TNS3: variants seen among roughly 807,000 people sequenced by gnomAD.
TNS3 encodes the protein tensin 3.
TNS3 carries 45 observed loss-of-function variants against 140.9 expected under a neutral mutation model. That is an observed-to-expected ratio of 0.32 (90% CI 0.25 to 0.41). TNS3 has a LOEUF of 0.41. Ranked by LOEUF, TNS3 falls within the 10% of genes least tolerant of loss-of-function variation. The pLI, the probability that TNS3 is intolerant of heterozygous loss-of-function variation, is 1.00. For missense variants in TNS3, 1,716 were observed against 1,906.7 expected (o/e 0.90, Z 1.86); for synonymous variants, 815 against 788.4 (o/e 1.03, Z -0.56).
At chr7:47,461,606 C>G (rs900267604) in intron 4 of TNS3, among the ~76,000 whole-genome samples, 2 of 152,240 alleles carry the variant, frequency 1.3e-5, no homozygotes, top group Non-Finnish European at 2.9e-5. Flanking sequence ...TGCCTGAAGC[C>G]AGCAGGCTGG....
intron 17 of TNS3, among the ~76,000 whole-genome samples, chr7:47,359,818 G>A (rs150135068): frequency 2.6e-4 from 39 of 152,282 alleles, no homozygotes; most frequent in African/African-American, 8.9e-4. Flanking sequence ...TTATAGAAAC[G>A]ATACTTCATT....
intron 16 of TNS3, among the ~76,000 whole-genome samples, chr7:47,390,474 G>A (rs1359353191): frequency 6.6e-6 from 1 of 152,174 alleles, no homozygotes; most frequent in East Asian, 1.9e-4. Flanking sequence ...TGCGAAGGCT[G>A]CAGACAAATG....
chr7:47,567,654 A>C (rs906706755), intron 1 of TNS3, among the ~76,000 whole-genome samples: 1 of 147,796 alleles, frequency 6.8e-6, no homozygotes, highest in African/African-American at 2.6e-5. Flanking sequence ...ACTGCACTCC[A>C]GCCTGGGCAA....
intron 2 of TNS3, among the ~76,000 whole-genome samples, chr7:47,524,808 CAAGA>C (rs557035075): frequency 0.058 from 1,455 of 24,972 alleles, 74 homozygotes; most frequent in African/African-American, 0.12. Flanking sequence ...GACTCCGTCT[CAAGA>C]AAAAAAAAAA....
intron 1 of TNS3, among the ~76,000 whole-genome samples, chr7:47,556,217 G>T (rs1453641179): frequency 6.6e-6 from 1 of 152,222 alleles, no homozygotes; most frequent in East Asian, 1.9e-4. Flanking sequence ...CAATTGAGCA[G>T]TAAGAGGTTC....
intron 17 of TNS3, among the ~76,000 whole-genome samples, chr7:47,359,485 C>T (rs1244844321): frequency 6.6e-6 from 1 of 152,100 alleles, no homozygotes; most frequent in African/African-American, 2.4e-5. Context: ...GGTTGCACAG[C>T]AATGCAAATG....
At chr7:47,543,274 T>C (rs1306889163) in intron 1 of TNS3, among the ~76,000 whole-genome samples, 4 of 152,180 alleles carry the variant, frequency 2.6e-5, no homozygotes, top group African/African-American at 7.2e-5. Flanking sequence ...ATTCAGGAAG[T>C]GTTCAGGCAC....
chr7:47,362,755 C>G (rs1001355638), intron 17 of TNS3, among the ~76,000 whole-genome samples: 8 of 142,880 alleles, frequency 5.6e-5, no homozygotes, highest in Non-Finnish European at 1.2e-4. Flanking sequence ...TCATCACAGT[C>G]ATCACCGTCA....
chr7:47,580,038 A>G (rs1006174529), intron 1 of TNS3: 1 of 141,538 alleles, frequency 7.1e-6, no homozygotes, highest in South Asian at 2.8e-4. Context: ...ATTCAGGAAT[A>G]AGTAGTGCCC....
rs375811216 is a variant in TNS3 at position 47,450,335 on chromosome 7, T to C, written c.-75-8280A>G. Among the ~76,000 whole-genome samples, 67 of 152,278 alleles carry C rather than the reference T, an allele frequency of 4.4e-4. 1 individual carries two copies. Among genetic ancestry groups the C allele is most frequent in the African/African-American group, 1.5e-3 (63 of 41,562 alleles). ...ATAACATGGAATAACTGGGGCCTAT[T>C]TAGGAAGACAGTGCCCACAGAATAG... is the stretch of plus-strand genomic sequence containing the variant. On this transcript the variant is annotated intron_variant, in intron 4 of 30. Transcript: ENST00000311160.
intron 1 of TNS3, among the ~76,000 whole-genome samples, chr7:47,568,251 T>G (rs760698747): frequency 1.3e-5 from 2 of 152,122 alleles, no homozygotes; most frequent in Non-Finnish European, 2.9e-5. Flanking sequence ...AGCAGGCACA[T>G]AGTCCTGAGC....
chr7:47,439,462 G>T (rs547808092), intron 6 of TNS3, 25 bp downstream of exon 6: 2 of 1,611,448 alleles, frequency 1.2e-6, no homozygotes. Flanking sequence ...CTGCCCAAAG[G>T]CTCCCAGAGC....
rs1397128110 is a variant in TNS3 at position 47,277,118 on chromosome 7, G to A, written c.*958C>T. 1 of 151,992 alleles carries A rather than the reference G, an allele frequency of 6.6e-6. No individual in the cohort carries two copies. The highest frequency in any genetic ancestry group is 1.9e-4 in the East Asian group (1 of 5,164). 9.4% of individuals were successfully genotyped at this position (151,992 alleles called of 1,614,324 possible). On this transcript the variant is annotated 3_prime_UTR_variant, in exon 31 of 31. Coordinates refer to ENST00000311160, the MANE Select transcript of TNS3 (RefSeq NM_022748.12). Reference sequence around the variant, plus strand: ...GCCACCTTTGGGCGGCACCGCATATGGGAGACCCACAGTCCACTGCACACT... The same window carrying A: ...GCCACCTTTGGGCGGCACCGCATATAGGAGACCCACAGTCCACTGCACACT...
In TNS3 at chr7:47,389,077, A is replaced by G. The variant is rs74194339; in HGVS notation, c.1024+7723T>C. Among the ~76,000 whole-genome samples, 78 of 61,226 alleles carry G rather than the reference A, an allele frequency of 1.3e-3. 16 individuals carry two copies. Among genetic ancestry groups the G allele is most frequent in the African/African-American group, 5.2e-3 (64 of 12,374 alleles). The allele number at this position is 61,226 out of a possible 152,430, so 40.2% of individuals were successfully genotyped here. ...AAGAAGAAGAAGAAGAAGAAGAAGA[A>G]GAAGAAGAGGAAGAGGAAGAGGAAG... is the stretch of plus-strand genomic sequence containing the variant. On this transcript the variant is annotated intron_variant, in intron 16 of 30. Coordinates refer to ENST00000311160, the MANE Select transcript of TNS3 (RefSeq NM_022748.12).
intron 16 of TNS3, among the ~76,000 whole-genome samples, chr7:47,376,840 G>T (rs1453689370): frequency 6.6e-6 from 1 of 151,842 alleles, no homozygotes; most frequent in Non-Finnish European, 1.5e-5. Context: ...TTCATTATCA[G>T]GAACAGACCC....
chr7:47,534,666 T>C (rs1799537973), intron 1 of TNS3, among the ~76,000 whole-genome samples: 1 of 152,234 alleles, frequency 6.6e-6, no homozygotes, highest in Non-Finnish European at 1.5e-5. Context: ...TGTAAGTATC[T>C]ATATACATTT....
At chr7:47,352,278 T>C (rs1789726905) in intron 17 of TNS3, among the ~76,000 whole-genome samples, 1 of 152,202 alleles carries the variant, frequency 6.6e-6, no homozygotes, top group Non-Finnish European at 1.5e-5. Context: ...CACAGTGTTT[T>C]TCATGATACA....
At chr7:47,380,714 T>G (rs1791700439) in intron 16 of TNS3, among the ~76,000 whole-genome samples, 1 of 151,832 alleles carries the variant, frequency 6.6e-6, no homozygotes, top group Admixed American at 6.6e-5. Flanking sequence ...GCCACACACA[T>G]GCACACACAC....
At chr7:47,555,203 C>G (rs1800163728) in intron 1 of TNS3, among the ~76,000 whole-genome samples, 3 of 151,600 alleles carry the variant, frequency 2.0e-5, no homozygotes, top group Admixed American at 2.0e-4. Context: ...GAGTTCCAGA[C>G]TAGCCTGGCC....
Sources: allele counts gnomAD v4.1 joint callset (sites outside exome capture counted in the v4.1 genomes callset), GRCh38; gene constraint gnomAD v4.1.1; transcripts MANE v1.5; gene names NCBI Gene and HGNC (gene_info 2026-07-23, HGNC 2026-07-21).